The following ZEB1 variants were observed in gnomAD, a reference collection of about 807,000 sequenced individuals.
The protein encoded by ZEB1 is zinc finger E-box binding homeobox 1, also known as zinc finger E-box-binding homeobox 1.
A neutral mutation model predicts 84.9 loss-of-function variants in ZEB1; 21 were observed. That is an observed-to-expected ratio of 0.25 (90% CI 0.18 to 0.36). The LOEUF (loss-of-function observed/expected upper bound fraction) is 0.36. Among genes scored for constraint, ZEB1 ranks in the 10% least tolerant of loss-of-function variants. The probability of loss-of-function intolerance (pLI) is 1.00; values close to 1 mark genes in which losing one functional copy is unlikely to be tolerated. For missense variants in ZEB1, 1,104 were observed against 1,330.2 expected, an observed-to-expected ratio of 0.83 and a Z score of 2.65; for synonymous variants, 420 against 471.1, an observed-to-expected ratio of 0.89 and a Z score of 1.41.
chr10:31,439,218 CT>C (rs1402564558), intron 1 of ZEB1, among the ~76,000 whole-genome samples: 1 of 152,056 alleles, frequency 6.6e-6, no homozygotes, highest in Non-Finnish European at 1.5e-5. Flanking sequence ...TTTTGGAAGA[CT>C]TTCTATATCA....
intron 1 of ZEB1, among the ~76,000 whole-genome samples, chr10:31,330,881 C>T (rs542206483): frequency 1.4e-4 from 21 of 151,726 alleles, no homozygotes; most frequent in Middle Eastern, 3.4e-3. Context: ...CTTGAAAATT[C>T]GTTATAAGTA....
chr10:31,329,521 T>C (rs999099300), intron 1 of ZEB1, among the ~76,000 whole-genome samples: 3 of 152,160 alleles, frequency 2.0e-5, no homozygotes, highest in African/African-American at 7.2e-5. Context: ...TATGCATATA[T>C]ATCTTACATT....
At chr10:31,389,108 T>G (rs1172285920) in intron 1 of ZEB1, among the ~76,000 whole-genome samples, 1 of 152,086 alleles carries the variant, frequency 6.6e-6, no homozygotes, top group Non-Finnish European at 1.5e-5. Flanking sequence ...ATAAATAAAA[T>G]GGGGACCTAT....
chr10:31,337,973 G>A (rs375073837), intron 1 of ZEB1, among the ~76,000 whole-genome samples: 49 of 152,198 alleles, frequency 3.2e-4, no homozygotes, highest in African/African-American at 6.3e-4. Flanking sequence ...ATGAGACACC[G>A]CGCCCGGCCT....
At chr10:31,457,201 TATAGAGATC>T (rs1412531564) in intron 1 of ZEB1, among the ~76,000 whole-genome samples, 2 of 152,130 alleles carry the variant, frequency 1.3e-5, no homozygotes, top group Admixed American at 1.3e-4. Context: ...AGTTCAGGGG[TATAGAGATC>T]ATTGGACAGA....
chr10:31,514,551 TA>T, intron 5 of ZEB1, 51 bp from the exon 6 acceptor site: 1 of 1,504,594 alleles, frequency 6.6e-7, no homozygotes, highest in Non-Finnish European at 9.2e-7. Flanking sequence ...GGATGTTCTT[TA>T]GTCTAAAGAT....
At chr10:31,375,784 T>C (rs2046513168) in intron 1 of ZEB1, among the ~76,000 whole-genome samples, 1 of 151,774 alleles carries the variant, frequency 6.6e-6, no homozygotes, top group African/African-American at 2.4e-5. Context: ...ATAAAAGTTA[T>C]TGTTTATAGA....
At chr10:31,449,280 G>T (rs970700113) in intron 1 of ZEB1, among the ~76,000 whole-genome samples, 18 of 152,224 alleles carry the variant, frequency 1.2e-4, no homozygotes, top group Admixed American at 3.9e-4. Context: ...CTTGCGCACA[G>T]TGCGCGCACC....
At chr10:31,423,231 G>A (rs184577411) in intron 1 of ZEB1, among the ~76,000 whole-genome samples, 32 of 151,902 alleles carry the variant, frequency 2.1e-4, no homozygotes, top group Admixed American at 1.4e-3. Flanking sequence ...TTAGTCTCCC[G>A]GTTTTCTCTA....
At chr10:31,475,299 G>A (rs1398534659) in intron 2 of ZEB1, among the ~76,000 whole-genome samples, 1 of 151,722 alleles carries the variant, frequency 6.6e-6, no homozygotes, top group Non-Finnish European at 1.5e-5. Flanking sequence ...ACAGGATTAT[G>A]TAAAGCTACC....
At chr10:31,494,520 T>C (rs1421917879) in intron 2 of ZEB1, among the ~76,000 whole-genome samples, 1 of 152,014 alleles carries the variant, frequency 6.6e-6, no homozygotes, top group Non-Finnish European at 1.5e-5. Flanking sequence ...AAGATTTTAC[T>C]TGATTAGTGC....
chr10:31,517,317 G>A (rs1237749812), intron 6 of ZEB1, among the ~76,000 whole-genome samples: 1 of 151,916 alleles, frequency 6.6e-6, no homozygotes, highest in Non-Finnish European at 1.5e-5. Flanking sequence ...ATAATTAGTT[G>A]ATTCTACCTG....
At chr10:31,351,873 G>C (rs983186666) in intron 1 of ZEB1, among the ~76,000 whole-genome samples, 1 of 152,086 alleles carries the variant, frequency 6.6e-6, no homozygotes. Flanking sequence ...TTTTTATGAA[G>C]TAGTATTTTG....
At position 31,448,646 on chromosome 10, in the gene ZEB1, C is replaced by G. The variant is rs368176252; in HGVS notation, c.59-12391C>G. ...TCCTTCTTACAGACAGGACCCTCAG[C>G]TGCAGGTCTGTTGGAATACCCTGCC... On this transcript the variant is annotated intron_variant, in intron 1 of 8. Transcript: ENST00000424869. 8.5e-5 allele frequency among the ~76,000 whole-genome samples: 13 copies of G among 152,062 alleles called. No homozygotes were observed. The East Asian group carries it at 1.7e-3, about 20-fold the overall frequency.
Position 31,520,343 on chromosome 10 carries a change from C to A in ZEB1, c.1011C>A (p.Pro337=). The A allele has an allele frequency of 2.5e-6, 4 of 1,613,872 alleles. No individual in the cohort carries two copies. The highest frequency in any genetic ancestry group is 3.4e-6 in the Non-Finnish European group (4 of 1,179,904). Residue 337 remains proline (P), a synonymous_variant, in exon 7 of 9, where the codon CCC becomes CCA. Coordinates refer to ENST00000424869, the MANE Select transcript of ZEB1 (RefSeq NM_001174096.2). The surrounding 1 kb of genome is among the most constrained non-coding windows in gnomAD (Gnocchi z 5.1). ...PQIRQKIENK[P]LQEQLSVNQI... ...TACGGCAAAAGATAGAGAATAAACCCCTTCAAGAACAACTTTCTGTTAACC... is the reference window on the plus strand; with the variant it reads ...TACGGCAAAAGATAGAGAATAAACCACTTCAAGAACAACTTTCTGTTAACC...
Position 31,319,270 on chromosome 10 carries a change from G to A in ZEB1, c.36G>A (p.Gln12=), listed in dbSNP as rs756588663. 6.8e-6 allele frequency: 11 copies of A among 1,610,184 alleles called. No homozygotes were observed. The highest frequency in any genetic ancestry group is 4.0e-5 in the African/African-American group (3 of 74,770). The change falls in exon 1 of 9, where the codon CAG becomes CAA. Residue 12 remains glutamine, a synonymous_variant. Transcript: ENST00000424869. ...GCCCCAGGTGTAAGCGCAGAAAGCA[G>A]GCGAACCCGCGGCGCAATAACGGTG... is the stretch of plus-strand genomic sequence containing the variant. The part of the protein sequence containing the change: ...ADGPRCKRRK[Q]ANPRRNNVTN...
At chr10:31,361,385 G>A (rs1161812430) in intron 1 of ZEB1, among the ~76,000 whole-genome samples, 2 of 152,156 alleles carry the variant, frequency 1.3e-5, no homozygotes, top group Non-Finnish European at 2.9e-5. Context: ...TAGAGACGGA[G>A]TTTCACCATG....
chr10:31,396,615 G>A (rs2050775152), intron 1 of ZEB1, among the ~76,000 whole-genome samples: 1 of 152,162 alleles, frequency 6.6e-6, no homozygotes, highest in African/African-American at 2.4e-5. Flanking sequence ...CTGGTGTGAG[G>A]AGAGAGAGAA....
At chr10:31,491,739 G>T (rs2066563460) in intron 2 of ZEB1, among the ~76,000 whole-genome samples, 1 of 151,770 alleles carries the variant, frequency 6.6e-6, no homozygotes, top group Non-Finnish European at 1.5e-5. Flanking sequence ...AACAGTTTGT[G>T]GATTCTCCAT....
Sources: allele counts gnomAD v4.1 joint callset (sites outside exome capture counted in the v4.1 genomes callset), GRCh38; gene constraint gnomAD v4.1.1; non-coding constraint Gnocchi (gnomAD v3.1); transcripts MANE v1.5; gene names NCBI Gene and HGNC (gene_info 2026-07-23, HGNC 2026-07-21).